Variants in ROBO1 observed in about 807,000 individuals in gnomAD.
ROBO1 encodes the protein roundabout homolog 1.
Under a neutral mutation model 195.9 loss-of-function variants are expected in ROBO1, and 149 were observed. The observed-to-expected ratio is 0.76, with a 90% CI of 0.67 to 0.87. The LOEUF (loss-of-function observed/expected upper bound fraction) is 0.87. Ranked by LOEUF, ROBO1 falls within the 40% of genes least tolerant of loss-of-function variation. ROBO1 has a pLI of 0.00. For missense variants in ROBO1, 1,933 were observed against 2,068.3 expected (o/e 0.93, Z 1.27); for synonymous variants, 816 against 733.2 (o/e 1.11, Z -1.82).
At chr3:79,736,457 T>C (rs1344367695) in intron 1 of ROBO1, among the ~76,000 whole-genome samples, 2 of 152,146 alleles carry the variant, frequency 1.3e-5, no homozygotes, top group African/African-American at 4.8e-5. Context: ...ATGAGGAGAA[T>C]TGACTATGGT....
intron 26 of ROBO1, 50 bp downstream of exon 26, chr3:78,627,271 G>A: frequency 6.3e-7 from 1 of 1,576,374 alleles, no homozygotes; most frequent in Non-Finnish European, 8.6e-7. Context: ...CTTCCACTGA[G>A]GAGTAGAAAT....
intron 2 of ROBO1, among the ~76,000 whole-genome samples, chr3:79,172,769 T>G (rs551570544): frequency 6.6e-6 from 1 of 152,302 alleles, no homozygotes; most frequent in East Asian, 1.9e-4. Context: ...GGATATGTCA[T>G]ACATTTAAGC....
At chr3:79,246,113 C>T (rs368828064) in intron 2 of ROBO1, among the ~76,000 whole-genome samples, 1 of 152,058 alleles carries the variant, frequency 6.6e-6, no homozygotes, top group East Asian at 1.9e-4. Flanking sequence ...AATTTGTGTA[C>T]CTATATGGAT....
intron 1 of ROBO1, among the ~76,000 whole-genome samples, chr3:79,618,834 T>C (rs1020550073): frequency 6.6e-6 from 1 of 152,152 alleles, no homozygotes; most frequent in Non-Finnish European, 1.5e-5. Context: ...TTTCACTCTC[T>C]TCTCCAGCCT....
chr3:79,591,662 A>G (rs73849633), intron 1 of ROBO1, among the ~76,000 whole-genome samples: 2,186 of 152,024 alleles, frequency 0.014, 31 homozygotes, highest in Middle Eastern at 0.037. Context: ...CATACTATGC[A>G]GTTATTAGTT....
intron 3 of ROBO1, among the ~76,000 whole-genome samples, chr3:79,063,431 C>T (rs546405726): frequency 6.0e-4 from 91 of 150,564 alleles, no homozygotes; most frequent in African/African-American, 2.0e-3. Context: ...ATGACTTCTC[C>T]ATTTCTCTTT....
chr3:79,275,196 C>G (rs750984276), intron 2 of ROBO1, among the ~76,000 whole-genome samples: 50 of 151,972 alleles, frequency 3.3e-4, no homozygotes, highest in Non-Finnish European at 6.3e-4. Context: ...AAACTGCAGG[C>G]CAATATTCCT....
intron 4 of ROBO1, among the ~76,000 whole-genome samples, chr3:78,818,435 C>T (rs897165505): frequency 3.3e-5 from 5 of 151,998 alleles, no homozygotes; most frequent in Non-Finnish European, 5.9e-5. Flanking sequence ...TCTACTAGAC[C>T]ACAAGTGCCC....
intron 1 of ROBO1, among the ~76,000 whole-genome samples, chr3:79,643,037 G>A (rs957483681): frequency 2.0e-5 from 3 of 151,484 alleles, no homozygotes; most frequent in African/African-American, 7.3e-5. Flanking sequence ...GACTGGGAGA[G>A]GCAGATCTAC....
chr3:78,988,494 T>C (rs1253648456), intron 3 of ROBO1, among the ~76,000 whole-genome samples: 1 of 152,172 alleles, frequency 6.6e-6, no homozygotes, highest in African/African-American at 2.4e-5. Flanking sequence ...TACATTACTT[T>C]TATCTCCAGA....
chr3:78,683,726 TG>T (rs903504569), intron 10 of ROBO1, among the ~76,000 whole-genome samples: 1 of 151,938 alleles, frequency 6.6e-6, no homozygotes, highest in African/African-American at 2.4e-5. Flanking sequence ...AGTTTTCATA[TG>T]GGGGAAATGA....
intron 2 of ROBO1, among the ~76,000 whole-genome samples, chr3:79,379,485 A>C (rs1399100423): frequency 6.6e-6 from 1 of 152,232 alleles, no homozygotes; most frequent in Non-Finnish European, 1.5e-5. Context: ...AACCAGAATG[A>C]AAAGGTATAA....
intron 1 of ROBO1, among the ~76,000 whole-genome samples, chr3:79,758,451 A>G (rs1317296360): frequency 6.6e-6 from 1 of 152,232 alleles, no homozygotes; most frequent in Non-Finnish European, 1.5e-5. Flanking sequence ...TCTTTGTCCT[A>G]GTTAGTCACA....
At chr3:78,790,034 C>T (rs986621003) in intron 4 of ROBO1, among the ~76,000 whole-genome samples, 2 of 152,174 alleles carry the variant, frequency 1.3e-5, no homozygotes, top group Non-Finnish European at 2.9e-5. Flanking sequence ...TCCTCTATTG[C>T]AGCTTTGTCT....
chr3:78,626,116 G>A lies in ROBO1; in HGVS notation c.3875+1205C>T, dbSNP rs186778249. ...CTGAGAATAGAGACAGGAATGGTGA[G>A]GAAAAAAGGTAAGACAAGGGAACAA... On this transcript the variant is annotated intron_variant, in intron 26 of 30. Coordinates refer to ENST00000464233, the MANE Select transcript of ROBO1 (RefSeq NM_002941.4). 6.6e-5 allele frequency among the ~76,000 whole-genome samples: 10 copies of A among 151,826 alleles called. No individual in the cohort carries two copies. The East Asian group carries it at 1.7e-3, about 26-fold the overall frequency.
At chr3:79,525,606 C>T (rs1390900064) in intron 2 of ROBO1, among the ~76,000 whole-genome samples, 2 of 142,794 alleles carry the variant, frequency 1.4e-5, no homozygotes, top group South Asian at 2.2e-4. Context: ...TAGAACTTTA[C>T]ACTTTTTTTT....
intron 1 of ROBO1, among the ~76,000 whole-genome samples, chr3:79,761,169 G>A (rs1402318879): frequency 6.8e-6 from 1 of 147,714 alleles, no homozygotes; most frequent in East Asian, 1.9e-4. Flanking sequence ...TATAATATAT[G>A]TATATACTTA....
chr3:79,417,766 G>A (rs766309314), intron 2 of ROBO1, among the ~76,000 whole-genome samples: 45 of 152,254 alleles, frequency 3.0e-4, no homozygotes, highest in Non-Finnish European at 5.6e-4. Context: ...TTGCACAATT[G>A]CATTCTAATC....
At chr3:78,996,976 T>G (rs146051112) in intron 3 of ROBO1, among the ~76,000 whole-genome samples, 1 of 152,168 alleles carries the variant, frequency 6.6e-6, no homozygotes, top group Non-Finnish European at 1.5e-5. Context: ...ACAGTGTTTC[T>G]CAACTTTTGT....
Sources: gnomAD v4.1 joint callset for allele counts (sites outside exome capture counted in the v4.1 genomes callset) on GRCh38, gnomAD v4.1.1 for gene constraint, MANE v1.5 for transcripts, NCBI Gene and HGNC (gene_info 2026-07-23, HGNC 2026-07-21) for gene names.